Variants in VEGFC observed in about 807,000 individuals in gnomAD.
VEGFC encodes vascular endothelial growth factor C.
Under a neutral mutation model 46.1 loss-of-function variants are expected in VEGFC, and 12 were observed. The observed-to-expected ratio is 0.26, with a 90% CI of 0.17 to 0.42. The LOEUF (loss-of-function observed/expected upper bound fraction) is 0.42, where lower values mean the gene tolerates loss of function less well. Ranked by LOEUF, VEGFC falls within the 10% of genes least tolerant of loss-of-function variation. The probability of loss-of-function intolerance (pLI) is 1.00; values close to 1 mark genes in which losing one functional copy is unlikely to be tolerated. For missense variants in VEGFC, 488 were observed against 529.4 expected, an observed-to-expected ratio of 0.92 and a Z score of 0.77; for synonymous variants, 232 against 195.5, an observed-to-expected ratio of 1.19 and a Z score of -1.56.
intron 1 of VEGFC, among the ~76,000 whole-genome samples, chr4:176,763,111 G>C (rs1036312223): frequency 6.6e-6 from 1 of 152,200 alleles, no homozygotes; most frequent in African/African-American, 2.4e-5. Flanking sequence ...TGTGTGGTTC[G>C]AGCAGACTTA....
At chr4:176,724,045 A>G (rs943755315) in intron 3 of VEGFC, among the ~76,000 whole-genome samples, 27 of 152,080 alleles carry the variant, frequency 1.8e-4, no homozygotes, top group African/African-American at 6.3e-4. Context: ...TAAGCCCAGT[A>G]CCCAATAGTT....
chr4:176,748,729 C>G (rs1450376173), intron 1 of VEGFC, among the ~76,000 whole-genome samples: 1 of 151,872 alleles, frequency 6.6e-6, no homozygotes, highest in East Asian at 1.9e-4. Context: ...TAATTATAAG[C>G]TTTTGCTAAA....
At chr4:176,712,340 C>T (rs1357381922) in intron 3 of VEGFC, among the ~76,000 whole-genome samples, 1 of 152,154 alleles carries the variant, frequency 6.6e-6, no homozygotes, top group Admixed American at 6.5e-5. Context: ...TTCTGAATTA[C>T]AGTCAAAATT....
intron 3 of VEGFC, among the ~76,000 whole-genome samples, chr4:176,721,735 T>A (rs182087499): frequency 2.4e-4 from 36 of 152,314 alleles, no homozygotes; most frequent in Admixed American, 2.4e-3. Context: ...ACTTGCTTAT[T>A]TGGGCAAGGT....
rs368339476 is a variant in VEGFC at position 176,727,797 on chromosome 4, G to C, written c.533C>G (p.Thr178Arg). The C allele has an allele frequency of 6.2e-7, 1 of 1,613,318 alleles. No homozygotes were observed. The highest frequency in any genetic ancestry group is 8.5e-7 in the Non-Finnish European group (1 of 1,179,516). Reference protein sequence around the residue: ...SEGLQCMNTSTSYLSKTLFEI... With the variant: ...SEGLQCMNTSRSYLSKTLFEI... ...ACCCACCGTCTTGCTGAGGTAGCTC[G>C]TGCTGGTGTTCATGCACTGCAGCCC... Residue 178 changes from threonine to arginine, a missense_variant, in exon 3 of 7, where the codon ACG (threonine) becomes AGG (arginine). By Grantham distance (71) the Thr-to-Arg change is moderately conservative. Coordinates refer to ENST00000618562, the MANE Select transcript of VEGFC (RefSeq NM_005429.5).
chr4:176,785,394 T>A (rs1560967210), intron 1 of VEGFC, among the ~76,000 whole-genome samples: 3 of 152,206 alleles, frequency 2.0e-5, no homozygotes, highest in African/African-American at 7.2e-5. Flanking sequence ...TTACACAAAG[T>A]TGTGCATTTG....
intron 1 of VEGFC, among the ~76,000 whole-genome samples, chr4:176,751,584 C>T (rs1454668693): frequency 6.6e-6 from 1 of 151,692 alleles, no homozygotes; most frequent in Non-Finnish European, 1.5e-5. Context: ...CAACAGATTT[C>T]TACATATATA....
intron 1 of VEGFC, among the ~76,000 whole-genome samples, chr4:176,782,151 T>C (rs2333526): frequency 0.88 from 134,423 of 152,304 alleles, 59,691 homozygotes; most frequent in East Asian, 1. Context: ...ACAATAAAAA[T>C]GTAAGCAAAG....
intron 4 of VEGFC, among the ~76,000 whole-genome samples, chr4:176,692,211 G>C (rs1263056822): frequency 1.3e-5 from 2 of 149,410 alleles, no homozygotes; most frequent in East Asian, 3.9e-4. Flanking sequence ...CGGCTAAAAC[G>C]GTGAAACCCC....
chr4:176,785,966 G>A (rs1164160214), intron 1 of VEGFC, among the ~76,000 whole-genome samples: 2 of 139,268 alleles, frequency 1.4e-5, no homozygotes, highest in Non-Finnish European at 3.2e-5. Flanking sequence ...ACAATGATGG[G>A]TGCCTACAGT....
intron 1 of VEGFC, among the ~76,000 whole-genome samples, chr4:176,768,262 G>C (rs1454311988): frequency 4.6e-5 from 7 of 151,932 alleles, no homozygotes; most frequent in Non-Finnish European, 1.0e-4. Context: ...AAGATATCTA[G>C]AACCATGGGA....
At chr4:176,772,326 C>T (rs188257117) in intron 1 of VEGFC, among the ~76,000 whole-genome samples, 15 of 152,258 alleles carry the variant, frequency 9.9e-5, no homozygotes, top group African/African-American at 3.6e-4. Context: ...AGTTTAAGTT[C>T]TCATGTTTTA....
intron 1 of VEGFC, among the ~76,000 whole-genome samples, chr4:176,771,441 A>G (rs1185356388): frequency 1.3e-5 from 2 of 152,224 alleles, no homozygotes; most frequent in African/African-American, 4.8e-5. Flanking sequence ...CACATATATG[A>G]TTATGAATTT....
At chr4:176,711,752 A>G in intron 3 of VEGFC, 102 bp from the exon 4 acceptor site, 1 of 1,177,422 alleles carries the variant, frequency 8.5e-7, no homozygotes, top group Non-Finnish European at 1.2e-6. Flanking sequence ...AGCTCTATAT[A>G]AGTAGCTGCC....
At chr4:176,790,279 G>A (rs566664583) in intron 1 of VEGFC, among the ~76,000 whole-genome samples, 1 of 152,140 alleles carries the variant, frequency 6.6e-6, no homozygotes, top group Non-Finnish European at 1.5e-5. Flanking sequence ...GGGAAATGAT[G>A]TTTCATCACA....
intron 6 of VEGFC, among the ~76,000 whole-genome samples, chr4:176,685,603 T>A (rs1355444592): frequency 6.6e-6 from 1 of 151,984 alleles, no homozygotes; most frequent in African/African-American, 2.4e-5. Flanking sequence ...AATTTCAGAT[T>A]TTTCAATGTA....
intron 1 of VEGFC, among the ~76,000 whole-genome samples, chr4:176,769,474 G>T (rs986010213): frequency 1.3e-5 from 2 of 152,066 alleles, no homozygotes; most frequent in African/African-American, 4.8e-5. Flanking sequence ...GAGGTCACTG[G>T]TATCTTGGAG....
intron 4 of VEGFC, chr4:176,705,861 T>A (rs760054947): frequency 6.6e-6 from 1 of 152,184 alleles, no homozygotes; most frequent in Non-Finnish European, 1.5e-5. Context: ...ATATTCTGTA[T>A]GATGTTATAT....
At chr4:176,717,305 A>G (rs1419083331) in intron 3 of VEGFC, among the ~76,000 whole-genome samples, 1 of 152,144 alleles carries the variant, frequency 6.6e-6, no homozygotes, top group African/African-American at 2.4e-5. Flanking sequence ...CTGACTGTAT[A>G]TTCTGTAAAA....
Sources: gnomAD v4.1 joint callset for allele counts (sites outside exome capture counted in the v4.1 genomes callset) on GRCh38, gnomAD v4.1.1 for gene constraint, MANE v1.5 for transcripts, NCBI Gene and HGNC (gene_info 2026-07-23, HGNC 2026-07-21) for gene names.